The following CYFIP2 variants were observed in gnomAD, a reference collection of about 807,000 sequenced individuals.
CYFIP2 encodes cytoplasmic FMR1-interacting protein 2.
Under a neutral mutation model 158.7 loss-of-function variants are expected in CYFIP2, and 29 were observed. The ratio of observed to expected loss-of-function variants is 0.18; its 90% CI spans 0.14 to 0.25. The LOEUF (loss-of-function observed/expected upper bound fraction) is 0.25. Ranked by LOEUF, CYFIP2 falls within the 10% of genes least tolerant of loss-of-function variation. CYFIP2 has a pLI of 1.00. For synonymous variants in CYFIP2, 585 were observed against 617.6 expected (o/e 0.95, Z 0.78); for missense variants, 852 against 1,639.5 (o/e 0.52, Z 8.29).
At chr5:157,296,168 C>T (rs1326304995) in intron 4 of CYFIP2, among the ~76,000 whole-genome samples, 2 of 152,192 alleles carry the variant, frequency 1.3e-5, no homozygotes, top group East Asian at 3.8e-4. Flanking sequence ...TTCCTGCAGC[C>T]AATGTCTGCG....
At chr5:157,301,356 C>T (rs1022547470) in intron 6 of CYFIP2, among the ~76,000 whole-genome samples, 4 of 152,122 alleles carry the variant, frequency 2.6e-5, no homozygotes, top group African/African-American at 9.7e-5. Flanking sequence ...TGAGTGCCTC[C>T]AGCTCTCAGG....
intron 5 of CYFIP2, among the ~76,000 whole-genome samples, 163 bp downstream of exon 5, chr5:157,296,937 A>G (rs1758298121): frequency 6.6e-6 from 1 of 152,158 alleles, no homozygotes; most frequent in South Asian, 2.1e-4. Flanking sequence ...GAGTCTCCCC[A>G]CCCTCGTGGA....
intron 1 of CYFIP2, chr5:157,277,186 A>G (rs1756622378): frequency 6.6e-6 from 1 of 152,056 alleles, no homozygotes; most frequent in Non-Finnish European, 1.5e-5. Context: ...GCGCACCACT[A>G]TGCCCAGCTA....
At chr5:157,336,135 A>T (rs1761840473) in intron 21 of CYFIP2, among the ~76,000 whole-genome samples, 1 of 151,968 alleles carries the variant, frequency 6.6e-6, no homozygotes, top group African/African-American at 2.4e-5. Flanking sequence ...ATGAGGAATG[A>T]GCTCCCCTCA....
chr5:157,326,303 T>G (rs1282597183), intron 18 of CYFIP2, 36 bp downstream of exon 18: 13 of 1,557,740 alleles, frequency 8.3e-6, no homozygotes, highest in Non-Finnish European at 1.2e-5. Context: ...TCCTTTAATC[T>G]TGTTCCAAAT....
chr5:157,328,198 G>A, intron 19 of CYFIP2, 149 bp downstream of exon 19: 1 of 710,528 alleles, frequency 1.4e-6, no homozygotes, highest in South Asian at 1.9e-5. Flanking sequence ...AGATAGAGTG[G>A]AAAGGAAACT....
chr5:157,327,103 A>C (rs1238354057), intron 18 of CYFIP2, among the ~76,000 whole-genome samples: 1 of 152,190 alleles, frequency 6.6e-6, no homozygotes, highest in South Asian at 2.1e-4. Context: ...CATTTCTGAA[A>C]TATTTGGTTT....
chr5:157,315,950 C>T (rs1244089837), intron 13 of CYFIP2, among the ~76,000 whole-genome samples: 1 of 152,056 alleles, frequency 6.6e-6, no homozygotes, highest in African/African-American at 2.4e-5. Flanking sequence ...TTTAGCCAGG[C>T]ATAGTGGTGT....
intron 6 of CYFIP2, among the ~76,000 whole-genome samples, chr5:157,301,201 A>T (rs1213603874): frequency 6.6e-6 from 1 of 152,238 alleles, no homozygotes; most frequent in African/African-American, 2.4e-5. Context: ...GGGACCAGTA[A>T]GATCATCACA....
In CYFIP2 at chr5:157,266,440, T is replaced by G. The variant is rs1272991851; in HGVS notation, c.-24+245T>G. ...GGGAGGCGCGGGCACATCGCGGAGC[T>G]CCGGCGCGGCGGCGGGGGAGCCGCA... is the stretch of plus-strand genomic sequence containing the variant. On this transcript the variant is annotated intron_variant, in intron 1 of 30. Transcript: ENST00000620254. This position sits in a 1 kb window ranked among gnomAD's most constrained non-coding sequence, Gnocchi z 4.2. 1 of 151,016 alleles carries G rather than the reference T, an allele frequency of 6.6e-6. No homozygotes were observed. The highest frequency in any genetic ancestry group is 1.5e-5 in the Non-Finnish European group (1 of 67,794). The allele number at this position is 151,016 out of a possible 1,614,324, so 9.4% of individuals were successfully genotyped here.
intron 30 of CYFIP2, among the ~76,000 whole-genome samples, chr5:157,392,478 T>A (rs1002349509): frequency 6.6e-6 from 1 of 152,258 alleles, no homozygotes; most frequent in East Asian, 1.9e-4. Flanking sequence ...TTGAAAAGGC[T>A]GTTTCCCCCA....
chr5:157,345,838 C>A (rs991574644), intron 23 of CYFIP2: 2 of 152,226 alleles, frequency 1.3e-5, no homozygotes, highest in African/African-American at 4.8e-5. Flanking sequence ...CAGATGATCC[C>A]CTGAAAACTG....
intron 28 of CYFIP2, among the ~76,000 whole-genome samples, chr5:157,383,871 G>T (rs10061544): frequency 5.9e-5 from 9 of 152,236 alleles, no homozygotes; most frequent in Admixed American, 2.6e-4. Flanking sequence ...TAATGAAAAG[G>T]CAAAATTAGA....
At position 157,344,343 on chromosome 5, in the gene CYFIP2, T is replaced by C. The variant is rs191866920; in HGVS notation, c.2673+3186T>C. Among the ~76,000 whole-genome samples the C allele has an allele frequency of 5.1e-4, 77 of 152,326 alleles. No homozygotes were observed. The East Asian group carries it at 0.014, about 27-fold the overall frequency. On this transcript the variant is annotated intron_variant, in intron 23 of 30. Coordinates refer to ENST00000620254, the MANE Select transcript of CYFIP2 (RefSeq NM_001037333.3). Reference sequence around the variant, plus strand: ...AGGCAGTAATTAATTTCCTTTATTCTTCATCACATCCTCTGAGCTAGATTC... The same window carrying C: ...AGGCAGTAATTAATTTCCTTTATTCCTCATCACATCCTCTGAGCTAGATTC...
At chr5:157,381,547 A>AAAAG (rs1561785735) in intron 26 of CYFIP2, among the ~76,000 whole-genome samples, 6 of 149,250 alleles carry the variant, frequency 4.0e-5, no homozygotes, top group Non-Finnish European at 7.4e-5. Flanking sequence ...AAAAAAAAAA[A>AAAAG]GGGGTGAGGG....
intron 26 of CYFIP2, chr5:157,376,862 A>G (rs561695418): frequency 2.2e-5 from 10 of 456,246 alleles, no homozygotes; most frequent in South Asian, 1.4e-4. Flanking sequence ...CCTCACATCT[A>G]GTTGCCTTTT....
intron 1 of CYFIP2, among the ~76,000 whole-genome samples, chr5:157,270,142 G>A (rs1026145424): frequency 1.3e-5 from 2 of 152,208 alleles, no homozygotes; most frequent in Admixed American, 6.5e-5. Context: ...ACCTTCTTGC[G>A]AGATGCCTGA....
chr5:157,328,260 G>A (rs1761180758), intron 19 of CYFIP2, among the ~76,000 whole-genome samples: 1 of 152,236 alleles, frequency 6.6e-6, no homozygotes, highest in Non-Finnish European at 1.5e-5. Flanking sequence ...AGGAAAGACA[G>A]ACATCGACTA....
In CYFIP2 at chr5:157,339,101, G is replaced by T; in HGVS notation, c.2430G>T (p.Leu810=). Residue 810 remains leucine, a synonymous_variant, in exon 22 of 31, where the codon CTG becomes CTT. Coordinates refer to ENST00000620254, the MANE Select transcript of CYFIP2 (RefSeq NM_001037333.3). The stretch of plus-strand genomic sequence containing the variant: ...AGATTAACCGGCTCACGCATCGGCT[G>T]CTCTGTAAGCATATGACGCTGGACA... ...LLEINRLTHR[L]LCKHMTLDSF... is the part of the protein sequence containing the mutation. 1 of 1,613,808 alleles carries T rather than the reference G, an allele frequency of 6.2e-7. No individual in the cohort carries two copies.
Sources: allele counts gnomAD v4.1 joint callset (sites outside exome capture counted in the v4.1 genomes callset), GRCh38; gene constraint gnomAD v4.1.1; non-coding constraint Gnocchi (gnomAD v3.1); transcripts MANE v1.5; gene names NCBI Gene and HGNC (gene_info 2026-07-23, HGNC 2026-07-21).